RALGAPA1: variants seen among roughly 807,000 people sequenced by gnomAD.
RALGAPA1 encodes ral GTPase-activating protein subunit alpha-1.
Under a neutral mutation model 269.6 loss-of-function variants are expected in RALGAPA1, and 52 were observed. That is an observed-to-expected ratio of 0.19 (90% CI 0.15 to 0.24). The LOEUF (loss-of-function observed/expected upper bound fraction) is 0.24, where lower values mean the gene tolerates loss of function less well. Among genes scored for constraint, RALGAPA1 ranks in the 10% least tolerant of loss-of-function variants. The pLI is 1.00. For missense variants in RALGAPA1, 1,917 were observed against 3,013.9 expected (o/e 0.64, Z 8.52); for synonymous variants, 817 against 1,008.3 (o/e 0.81, Z 3.60).
intron 9 of RALGAPA1, among the ~76,000 whole-genome samples, 191 bp downstream of exon 9, chr14:35,750,291 C>T (rs1455570320): frequency 6.6e-6 from 1 of 152,122 alleles, no homozygotes. Context: ...ATCTTCTATA[C>T]TTCCCGTTTC....
At chr14:35,800,887 C>A (rs999633605) in intron 1 of RALGAPA1, among the ~76,000 whole-genome samples, 1 of 151,988 alleles carries the variant, frequency 6.6e-6, no homozygotes, top group South Asian at 2.1e-4. Flanking sequence ...TGCCTGTAGT[C>A]CCAGCTACTC....
At chr14:35,761,318 C>T (rs1461035935) in intron 5 of RALGAPA1, among the ~76,000 whole-genome samples, 1 of 151,968 alleles carries the variant, frequency 6.6e-6, no homozygotes, top group Non-Finnish European at 1.5e-5. Flanking sequence ...CCCTCCTTGC[C>T]TACCTCCCAT....
chr14:35,765,960 T>C (rs2141422827), intron 4 of RALGAPA1: 3 of 1,380,722 alleles, frequency 2.2e-6, no homozygotes, highest in South Asian at 1.2e-5. Context: ...TAAAAACCCC[T>C]GGAGTTATTC....
At chr14:35,642,882 G>A (rs2062119349) in intron 31 of RALGAPA1, among the ~76,000 whole-genome samples, 6 of 152,106 alleles carry the variant, frequency 3.9e-5, no homozygotes, top group Admixed American at 3.9e-4. Context: ...ACATATGCAC[G>A]TGTATGTTTA....
At chr14:35,726,567 CGCTTCA>C (rs1385945409) in intron 13 of RALGAPA1, among the ~76,000 whole-genome samples, 3 of 152,044 alleles carry the variant, frequency 2.0e-5, no homozygotes, top group African/African-American at 7.2e-5. Context: ...GCAGGTGGAT[CGCTTCA>C]GCCCAGGAGC....
intron 16 of RALGAPA1, among the ~76,000 whole-genome samples, chr14:35,714,983 T>C (rs2068686097): frequency 6.6e-6 from 1 of 152,248 alleles, no homozygotes. Context: ...TGGCAGATTA[T>C]GCATTTTTTC....
At chr14:35,677,335 A>T (rs2065034620) in intron 22 of RALGAPA1, 1 of 152,526 alleles carries the variant, frequency 6.6e-6, no homozygotes, top group Non-Finnish European at 1.5e-5. Context: ...AATTTATGGC[A>T]TATTTGCATA....
At chr14:35,742,246 T>C (rs780643674) in intron 11 of RALGAPA1, 122 bp downstream of exon 11, 1 of 799,834 alleles carries the variant, frequency 1.3e-6, no homozygotes, top group Non-Finnish European at 2.0e-6. Context: ...TTGCAAAATA[T>C]ACTGAAAGAT....
intron 4 of RALGAPA1, among the ~76,000 whole-genome samples, chr14:35,765,015 T>C (rs1396506141): frequency 6.6e-6 from 1 of 152,232 alleles, no homozygotes; most frequent in Non-Finnish European, 1.5e-5. Context: ...CAGAAAATTA[T>C]TTCCTTGTGG....
chr14:35,637,899 G>C (rs2061760669), intron 31 of RALGAPA1, among the ~76,000 whole-genome samples: 1 of 152,166 alleles, frequency 6.6e-6, no homozygotes. Flanking sequence ...TACAGGCCAG[G>C]AGAGAATGGC....
intron 1 of RALGAPA1, among the ~76,000 whole-genome samples, chr14:35,778,024 TA>T (rs1567211946): frequency 6.6e-6 from 1 of 152,180 alleles, no homozygotes; most frequent in Non-Finnish European, 1.5e-5. Context: ...GATAGCACTT[TA>T]AACTCTTTCA....
intron 39 of RALGAPA1, among the ~76,000 whole-genome samples, chr14:35,567,989 G>A (rs1220279007): frequency 2.0e-5 from 3 of 152,116 alleles, no homozygotes; most frequent in Non-Finnish European, 2.9e-5. Flanking sequence ...TGTGAAAGAG[G>A]CAAAGGTCAG....
intron 34 of RALGAPA1, among the ~76,000 whole-genome samples, chr14:35,626,073 C>T (rs1271140130): frequency 6.6e-6 from 1 of 152,104 alleles, no homozygotes; most frequent in Non-Finnish European, 1.5e-5. Flanking sequence ...GTGGCAATTA[C>T]CTATATTTGG....
chr14:35,655,144 T>C lies in RALGAPA1; in HGVS notation c.5496+663A>G, dbSNP rs1188251688. Among the ~76,000 whole-genome samples the C allele has an allele frequency of 2.0e-5, 3 of 152,312 alleles. No individual in the cohort carries two copies. In the East Asian group the frequency reaches 5.8e-4, roughly 29 times the overall value. On this transcript the variant is annotated intron_variant, in intron 29 of 41. Transcript: ENST00000680220. The stretch of plus-strand genomic sequence containing the variant: ...TAGTATTTACAATTTTTTCCTATTG[T>C]TATCCCTCACTGTCTAGCAATGTGC...
At position 35,627,831 on chromosome 14, in the gene RALGAPA1, A is replaced by G. The variant is rs759863689; in HGVS notation, c.6116T>C (p.Val2039Ala). ...SGGPAMLTSQVCENHDNHYSE... is the reference protein window; with the variant it reads ...SGGPAMLTSQACENHDNHYSE... ...GTAATGATTGTCGTGATTTTCACAC[A>G]CCTGACTTGTTAGCATAGCAGGACC... The change falls in exon 34 of 42, where the codon GTG (valine) becomes GCG (alanine). Residue 2039 changes from valine to alanine, a missense_variant. Physicochemically the swap from Val to Ala is moderately conservative, Grantham distance 64. Around this residue, in one of 11 missense-constraint regions of RALGAPA1, gnomAD observed 346 missense variants for 566.1 expected, o/e 0.61. Transcript: ENST00000680220. 6.3e-7 allele frequency: 1 copy of G among 1,591,304 alleles called. No individual in the cohort carries two copies. Among genetic ancestry groups the G allele is most frequent in the Admixed American group, 1.7e-5 (1 of 58,410 alleles).
chr14:35,721,986 G>A (rs1487996057), intron 15 of RALGAPA1, 137 bp from the exon 16 acceptor site: 1 of 645,436 alleles, frequency 1.5e-6, no homozygotes, highest in Non-Finnish European at 2.6e-6. Context: ...GCTGTGTACT[G>A]TAAGGCTTTT....
intron 37 of RALGAPA1, among the ~76,000 whole-genome samples, chr14:35,592,485 C>T (rs1396113676): frequency 1.3e-5 from 2 of 152,214 alleles, no homozygotes; most frequent in African/African-American, 4.8e-5. Context: ...AAGGGGAATA[C>T]TTCCAAACAT....
At chr14:35,572,774 T>C (rs2057304279) in intron 37 of RALGAPA1, 56 bp from the exon 38 acceptor site, 8 of 1,198,366 alleles carry the variant, frequency 6.7e-6, no homozygotes, top group African/African-American at 1.6e-5. Context: ...AGTACAGTCA[T>C]ACAGTCACAT....
chr14:35,595,103 G>T (rs2058851430), intron 37 of RALGAPA1, among the ~76,000 whole-genome samples: 1 of 151,222 alleles, frequency 6.6e-6, no homozygotes, highest in African/African-American at 2.4e-5. Flanking sequence ...AAAAAACAAA[G>T]GAGAAAATAT....
Sources: gnomAD v4.1 joint callset for allele counts (sites outside exome capture counted in the v4.1 genomes callset) on GRCh38, gnomAD v4.1.1 for gene constraint, gnomAD v4.1.1 regional missense constraint, MANE v1.5 for transcripts, NCBI Gene and HGNC (gene_info 2026-07-23, HGNC 2026-07-21) for gene names.